The following COL25A1 variants were observed in gnomAD, a reference collection of about 807,000 sequenced individuals.
The protein encoded by COL25A1 is collagen alpha-1(XXV) chain.
Under a neutral mutation model 128.4 loss-of-function variants are expected in COL25A1, and 103 were observed. The ratio of observed to expected loss-of-function variants is 0.80; its 90% CI spans 0.68 to 0.94. COL25A1 has a LOEUF of 0.94. COL25A1 is among the 40% of genes least tolerant of loss of function. The pLI, the probability that COL25A1 is intolerant of heterozygous loss-of-function variation, is 0.00. For missense variants in COL25A1, 745 were observed against 840.0 expected (o/e 0.89, Z 1.40); for synonymous variants, 279 against 277.2 (o/e 1.01, Z -0.06).
At chr4:109,158,985 T>TTA (rs1362750045) in intron 3 of COL25A1, among the ~76,000 whole-genome samples, 1 of 152,114 alleles carries the variant, frequency 6.6e-6, no homozygotes, top group Non-Finnish European at 1.5e-5. Flanking sequence ...TTGTATTTTA[T>TTA]TATGTATTTA....
intron 3 of COL25A1, among the ~76,000 whole-genome samples, chr4:109,131,691 T>C (rs752131015): frequency 6.6e-6 from 1 of 151,928 alleles, no homozygotes; most frequent in African/African-American, 2.4e-5. Context: ...AGAGCAGGAG[T>C]GTGACGTTCA....
At chr4:108,886,767 G>T (rs189150569) in intron 18 of COL25A1, among the ~76,000 whole-genome samples, 60 of 152,134 alleles carry the variant, frequency 3.9e-4, no homozygotes, top group Admixed American at 2.2e-3. Flanking sequence ...TAACATATCT[G>T]TATAAAGCTT....
chr4:109,027,879 G>T (rs964514891), intron 5 of COL25A1, among the ~76,000 whole-genome samples: 1 of 152,132 alleles, frequency 6.6e-6, no homozygotes, highest in African/African-American at 2.4e-5. Context: ...TCCAGCATTT[G>T]GTTTTGAACA....
chr4:109,139,066 C>A (rs1226052035), intron 3 of COL25A1, among the ~76,000 whole-genome samples: 1 of 152,004 alleles, frequency 6.6e-6, no homozygotes, highest in East Asian at 1.9e-4. Context: ...TCTCTAATGA[C>A]CAGTGATGAT....
At chr4:109,238,353 A>G (rs1779608260) in intron 3 of COL25A1, among the ~76,000 whole-genome samples, 2 of 152,048 alleles carry the variant, frequency 1.3e-5, no homozygotes, top group Admixed American at 1.3e-4. Context: ...GTTTTGGCCC[A>G]TTATGATAAT....
At chr4:109,041,494 C>T (rs556424414) in intron 5 of COL25A1, among the ~76,000 whole-genome samples, 1 of 151,814 alleles carries the variant, frequency 6.6e-6, no homozygotes, top group South Asian at 2.1e-4. Context: ...AAGTGATACA[C>T]CAATGTATGT....
At chr4:108,993,355 CA>C (rs1379469555) in intron 6 of COL25A1, among the ~76,000 whole-genome samples, 1 of 152,164 alleles carries the variant, frequency 6.6e-6, no homozygotes, top group Non-Finnish European at 1.5e-5. Flanking sequence ...TTGCAAATGA[CA>C]GGATTTCCTT....
chr4:108,975,904 C>T (rs1348170814), intron 6 of COL25A1, among the ~76,000 whole-genome samples: 3 of 151,928 alleles, frequency 2.0e-5, no homozygotes, highest in African/African-American at 2.4e-5. Context: ...ATATATTGTA[C>T]ATATGTATGT....
At position 109,149,388 on chromosome 4, in the gene COL25A1, T is replaced by C. The variant is rs558252687; in HGVS notation, c.368-99209A>G. Among the ~76,000 whole-genome samples, 16 of 152,302 alleles carry C rather than the reference T, an allele frequency of 1.1e-4. No individual in the cohort carries two copies. In the South Asian group the frequency reaches 3.3e-3, roughly 32 times the overall value. On this transcript the variant is annotated intron_variant, in intron 3 of 37. Coordinates refer to ENST00000399132, the MANE Select transcript of COL25A1 (RefSeq NM_198721.4). ...TACACTATTCTTCGACGTTCACCAATGAATTTTTTTTTAAGATGGGGGTCT... is the reference window on the plus strand; with the variant it reads ...TACACTATTCTTCGACGTTCACCAACGAATTTTTTTTTAAGATGGGGGTCT...
intron 11 of COL25A1, among the ~76,000 whole-genome samples, chr4:108,937,150 T>C (rs949031056): frequency 7.2e-5 from 11 of 151,926 alleles, no homozygotes; most frequent in Non-Finnish European, 5.9e-5. Flanking sequence ...CATCATAACA[T>C]AGATTAGAAA....
intron 3 of COL25A1, among the ~76,000 whole-genome samples, chr4:109,274,357 C>A (rs1782401816): frequency 6.6e-6 from 1 of 152,080 alleles, no homozygotes; most frequent in Non-Finnish European, 1.5e-5. Context: ...AAAAACATAT[C>A]ATTTTATAAG....
intron 12 of COL25A1, among the ~76,000 whole-genome samples, chr4:108,919,365 T>G (rs1745232038): frequency 6.6e-6 from 1 of 152,182 alleles, no homozygotes; most frequent in South Asian, 2.1e-4. Flanking sequence ...TAGAGTAGCT[T>G]TACAATTTCA....
intron 3 of COL25A1, among the ~76,000 whole-genome samples, chr4:109,231,053 C>A (rs1779131321): frequency 6.6e-6 from 1 of 152,182 alleles, no homozygotes; most frequent in East Asian, 1.9e-4. Context: ...GCAGGAGAAT[C>A]GCTTGATCCC....
intron 3 of COL25A1, among the ~76,000 whole-genome samples, chr4:109,075,607 T>A (rs1763309494): frequency 6.6e-6 from 1 of 152,152 alleles, no homozygotes; most frequent in Admixed American, 6.5e-5. Context: ...GATTATACTT[T>A]CTTTCTCAAA....
At chr4:109,294,814 G>C (rs1012601687) in intron 3 of COL25A1, among the ~76,000 whole-genome samples, 3 of 152,038 alleles carry the variant, frequency 2.0e-5, no homozygotes, top group African/African-American at 7.2e-5. Context: ...TAAATGTCTT[G>C]TGAGGTTCCC....
At chr4:109,148,012 T>C (rs547266342) in intron 3 of COL25A1, among the ~76,000 whole-genome samples, 31 of 152,220 alleles carry the variant, frequency 2.0e-4, no homozygotes, top group Middle Eastern at 3.4e-3. Flanking sequence ...AGACTGGTTG[T>C]TAGGGTAGGG....
At chr4:108,899,203 G>A (rs1378595596) in intron 14 of COL25A1, 23 bp from the exon 15 acceptor site, 6 of 1,602,296 alleles carry the variant, frequency 3.7e-6, no homozygotes, top group Non-Finnish European at 5.1e-6. Context: ...ACAGAGATTG[G>A]GTGACATCAA....
chr4:108,937,776 T>C, intron 11 of COL25A1, 32 bp downstream of exon 11: 1 of 1,570,252 alleles, frequency 6.4e-7, no homozygotes, highest in Non-Finnish European at 8.7e-7. Flanking sequence ...CAACCAGGCT[T>C]AGTATAGAAA....
At chr4:108,922,207 A>G (rs1169027024) in intron 11 of COL25A1, among the ~76,000 whole-genome samples, 1 of 152,198 alleles carries the variant, frequency 6.6e-6, no homozygotes, top group Non-Finnish European at 1.5e-5. Flanking sequence ...TTTGGAAAGT[A>G]AATGTTCGTG....
Sources: gnomAD v4.1 joint callset for allele counts (sites outside exome capture counted in the v4.1 genomes callset) on GRCh38, gnomAD v4.1.1 for gene constraint, MANE v1.5 for transcripts, NCBI Gene and HGNC (gene_info 2026-07-23, HGNC 2026-07-21) for gene names.